Variants in ADAMTS9 observed in about 807,000 individuals in gnomAD.
ADAMTS9 encodes the protein A disintegrin and metalloproteinase with thrombospondin motifs 9.
A neutral mutation model predicts 257.1 loss-of-function variants in ADAMTS9; 107 were observed. That is an observed-to-expected ratio of 0.42 (90% CI 0.36 to 0.49). The LOEUF is 0.49. Among genes scored for constraint, ADAMTS9 ranks in the 20% least tolerant of loss-of-function variants. The pLI is 0.03. For synonymous variants in ADAMTS9, 982 were observed against 880.9 expected (o/e 1.11, Z -2.03); for missense variants, 2,353 against 2,469.1 (o/e 0.95, Z 1.00).
In ADAMTS9 at chr3:64,681,379, G is replaced by A. The variant is rs968256247; in HGVS notation, c.517-16C>T. On this transcript the variant is annotated splice_polypyrimidine_tract_variant and intron_variant, in intron 2 of 39. Transcript: ENST00000498707. ...ATGTGCCCAGCTGCAAATGAAGAGA[G>A]ATGGGAGGTTGATTTAACGTAACTC... 6.2e-7 allele frequency: 1 copy of A among 1,600,146 alleles called. No homozygotes were observed. The highest frequency in any genetic ancestry group is 1.3e-5 in the African/African-American group (1 of 74,136).
chr3:64,539,347 G>A (rs2083091646), intron 36 of ADAMTS9, 53 bp from the exon 37 acceptor site: 2 of 1,462,004 alleles, frequency 1.4e-6, no homozygotes, highest in African/African-American at 1.4e-5. Context: ...TGGGAGAAAG[G>A]CAAGGAAGGA....
At chr3:64,557,779 G>A (rs1174577339) in intron 30 of ADAMTS9, among the ~76,000 whole-genome samples, 1 of 152,206 alleles carries the variant, frequency 6.6e-6, no homozygotes. Context: ...CAACTTTTCA[G>A]AGCCACACAC....
rs77982452 is a variant in ADAMTS9 at position 64,594,392 on chromosome 3, C to A, written c.4222G>T (p.Val1408Phe). The change falls in exon 28 of 40, where the codon GTC becomes TTC. Residue 1408 changes from valine (V) to phenylalanine (F), a missense_variant. Physicochemically the swap from Val to Phe is conservative, Grantham distance 50. Around this residue, in one of 3 missense-constraint regions of ADAMTS9, gnomAD observed 1,402 missense variants for 1,441.4 expected, o/e 0.97. Coordinates refer to ENST00000498707, the MANE Select transcript of ADAMTS9 (RefSeq NM_182920.2). ...CGGGIRTRLV[V>F]CQRSNGERFP... ...CGTTCACCGTTGGACCGCTGACAGA[C>A]CACCAGTCTTGTTCTTATGCCTCCA... The A allele has an allele frequency of 4.3e-6, 7 of 1,613,964 alleles. No individual in the cohort carries two copies. The highest frequency in any genetic ancestry group is 5.9e-6 in the Non-Finnish European group (7 of 1,179,976).
intron 29 of ADAMTS9, 107 bp downstream of exon 29, chr3:64,568,261 C>G (rs2083589951): frequency 8.0e-7 from 1 of 1,248,410 alleles, no homozygotes. Flanking sequence ...TCCCCGAGCT[C>G]CCCTCGGTAA....
intron 3 of ADAMTS9, among the ~76,000 whole-genome samples, chr3:64,665,322 T>C (rs1284800842): frequency 6.6e-6 from 1 of 152,112 alleles, no homozygotes; most frequent in Non-Finnish European, 1.5e-5. Context: ...ACTCATGCAA[T>C]GAAGGGAGGG....
At position 64,608,056 on chromosome 3, in the gene ADAMTS9, T is replaced by G. The variant is rs1346571767; in HGVS notation, c.3355-977A>C. On this transcript the variant is annotated intron_variant, in intron 22 of 39. Coordinates refer to ENST00000498707, the MANE Select transcript of ADAMTS9 (RefSeq NM_182920.2). ...AGGTCAAAACAGAAATCATAAGGGA[T>G]ATTAGAAAATACTTTGAGATAAATT... Among the ~76,000 whole-genome samples, 3 of 151,762 alleles carry G rather than the reference T, an allele frequency of 2.0e-5. No homozygotes were observed. The South Asian group carries it at 6.2e-4, about 31-fold the overall frequency.
At chr3:64,632,116 T>G (rs1312306506) in intron 14 of ADAMTS9, among the ~76,000 whole-genome samples, 191 bp from the exon 15 acceptor site, 2 of 152,162 alleles carry the variant, frequency 1.3e-5, no homozygotes, top group Non-Finnish European at 2.9e-5. Context: ...CCAGCAGCCA[T>G]GGGCACCTTT....
At chr3:64,560,964 A>C (rs1374426476) in intron 30 of ADAMTS9, among the ~76,000 whole-genome samples, 1 of 152,118 alleles carries the variant, frequency 6.6e-6, no homozygotes, top group East Asian at 1.9e-4. Context: ...CCATGGACAC[A>C]ATGTTTTCCT....
intron 28 of ADAMTS9, among the ~76,000 whole-genome samples, chr3:64,590,761 G>A (rs563264807): frequency 3.7e-4 from 57 of 152,166 alleles, no homozygotes; most frequent in African/African-American, 1.2e-3. Flanking sequence ...TACTTGGGTC[G>A]ACAAGCATTA....
At chr3:64,624,260 A>C (rs1700175470) in intron 16 of ADAMTS9, among the ~76,000 whole-genome samples, 1 of 151,762 alleles carries the variant, frequency 6.6e-6, no homozygotes, top group African/African-American at 2.4e-5. Flanking sequence ...AGAAGAAAGA[A>C]AGGAAAAGAG....
At chr3:64,654,252 G>A in intron 8 of ADAMTS9, 101 bp downstream of exon 8, 2 of 1,162,210 alleles carry the variant, frequency 1.7e-6, no homozygotes, top group South Asian at 1.5e-5. Context: ...GACTCGGGAA[G>A]TCTCTTACAC....
At chr3:64,545,120 G>C (rs1026272896) in intron 32 of ADAMTS9, among the ~76,000 whole-genome samples, 2 of 152,220 alleles carry the variant, frequency 1.3e-5, no homozygotes, top group Non-Finnish European at 2.9e-5. Flanking sequence ...AGGTGCTGGA[G>C]AGGATGTGGA....
intron 9 of ADAMTS9, 133 bp downstream of exon 9, chr3:64,650,884 T>TTTG (rs1491124904): frequency 3.8e-5 from 27 of 709,042 alleles, no homozygotes; most frequent in Non-Finnish European, 4.1e-5. Flanking sequence ...TTTTTTTTTT[T>TTTG]GCCTTCTCCA....
chr3:64,664,752 G>A (rs1184085729), intron 3 of ADAMTS9, among the ~76,000 whole-genome samples: 4 of 152,094 alleles, frequency 2.6e-5, no homozygotes, highest in Non-Finnish European at 5.9e-5. Flanking sequence ...CAAGGTTTTG[G>A]GTGAATATAT....
chr3:64,567,973 G>T (rs2083583909), intron 29 of ADAMTS9, among the ~76,000 whole-genome samples: 1 of 152,130 alleles, frequency 6.6e-6, no homozygotes, highest in Non-Finnish European at 1.5e-5. Flanking sequence ...CTTTCTTCAA[G>T]AACCTCCAAG....
chr3:64,668,292 T>C (rs34335468), intron 3 of ADAMTS9, among the ~76,000 whole-genome samples: 41,036 of 152,128 alleles, frequency 0.27, 6,160 homozygotes, highest in Admixed American at 0.36. Flanking sequence ...TAATAGAGTC[T>C]ATTGAACCCC....
At chr3:64,659,413 AGTTTAGATT>A (rs1701168290) in intron 3 of ADAMTS9, among the ~76,000 whole-genome samples, 1 of 145,466 alleles carries the variant, frequency 6.9e-6, no homozygotes, top group South Asian at 2.3e-4. Context: ...GCCTGACGTG[AGTTTAGATT>A]GTGCTACTGC....
intron 22 of ADAMTS9, among the ~76,000 whole-genome samples, chr3:64,609,149 A>G (rs1042316052): frequency 6.6e-6 from 1 of 152,236 alleles, no homozygotes; most frequent in South Asian, 2.1e-4. Context: ...TAGGAAAAAA[A>G]CCCACAGCTA....
chr3:64,613,240 C>G, intron 22 of ADAMTS9, 105 bp downstream of exon 22: 2 of 1,401,300 alleles, frequency 1.4e-6, no homozygotes, highest in East Asian at 2.4e-5. Context: ...CTGCATGCCA[C>G]CCGGCACAGC....
Sources: allele counts gnomAD v4.1 joint callset (sites outside exome capture counted in the v4.1 genomes callset), GRCh38; gene constraint gnomAD v4.1.1; regional missense constraint gnomAD v4.1.1; transcripts MANE v1.5; gene names NCBI Gene and HGNC (gene_info 2026-07-23, HGNC 2026-07-21).